WDFY2: variants seen among roughly 807,000 people sequenced by gnomAD.
WDFY2 encodes the protein WD repeat and FYVE domain containing 2.
In WDFY2, 36 loss-of-function variants were observed where a neutral mutation model predicts 56.4. That is an observed-to-expected ratio of 0.64 (90% CI 0.49 to 0.84). The LOEUF is 0.84. Ranked by LOEUF, WDFY2 falls within the 40% of genes least tolerant of loss-of-function variation. The probability of loss-of-function intolerance (pLI) is 0.00; values close to 1 mark genes in which losing one functional copy is unlikely to be tolerated. For synonymous variants in WDFY2, 176 were observed against 183.7 expected, an observed-to-expected ratio of 0.96 and a Z score of 0.34; for missense variants, 444 against 512.2, an observed-to-expected ratio of 0.87 and a Z score of 1.29.
intron 1 of WDFY2, among the ~76,000 whole-genome samples, chr13:51,654,752 A>G (rs940449539): frequency 5.3e-5 from 8 of 152,154 alleles, no homozygotes; most frequent in Non-Finnish European, 1.2e-4. Flanking sequence ...AACCATCCAT[A>G]TGGCACTTTT....
intron 1 of WDFY2, among the ~76,000 whole-genome samples, chr13:51,631,245 G>T (rs1011730783): frequency 6.6e-6 from 1 of 151,796 alleles, no homozygotes; most frequent in Non-Finnish European, 1.5e-5. Flanking sequence ...GTAAAAATCA[G>T]CTGGGTGTGG....
chr13:51,684,664 G>A (rs527360689), intron 3 of WDFY2, among the ~76,000 whole-genome samples: 34 of 152,004 alleles, frequency 2.2e-4, no homozygotes, highest in Middle Eastern at 6.8e-3. Flanking sequence ...TCAGTAAATG[G>A]CATCAATGAG....
intron 1 of WDFY2, among the ~76,000 whole-genome samples, chr13:51,614,532 C>T (rs1272490540): frequency 6.6e-6 from 1 of 152,190 alleles, no homozygotes; most frequent in Non-Finnish European, 1.5e-5. Context: ...CCTTAGTGAT[C>T]TTGTCCCTTT....
intron 1 of WDFY2, among the ~76,000 whole-genome samples, chr13:51,655,136 A>G (rs1373746597): frequency 6.6e-6 from 1 of 152,170 alleles, no homozygotes; most frequent in African/African-American, 2.4e-5. Flanking sequence ...AAGTAGAATT[A>G]TGTCATCTTC....
chr13:51,756,108 G>A (rs1450094996), intron 9 of WDFY2, among the ~76,000 whole-genome samples: 1 of 152,004 alleles, frequency 6.6e-6, no homozygotes, highest in Non-Finnish European at 1.5e-5. Flanking sequence ...GCAGGAGAGT[G>A]GGGTGGTATC....
At chr13:51,601,507 G>A (rs1341025418) in intron 1 of WDFY2, among the ~76,000 whole-genome samples, 2 of 151,624 alleles carry the variant, frequency 1.3e-5, no homozygotes, top group East Asian at 1.9e-4. Flanking sequence ...CTCTGCCTCC[G>A]GGGTTCAAGC....
At chr13:51,706,742 T>G (rs967172750) in intron 4 of WDFY2, among the ~76,000 whole-genome samples, 3 of 152,212 alleles carry the variant, frequency 2.0e-5, no homozygotes, top group Non-Finnish European at 4.4e-5. Flanking sequence ...ATGCAAGCTC[T>G]TTTCAGTTAG....
At chr13:51,591,224 T>G (rs1247311426) in intron 1 of WDFY2, 1 of 152,242 alleles carries the variant, frequency 6.6e-6, no homozygotes, top group Non-Finnish European at 1.5e-5. Flanking sequence ...AAAGCACGCA[T>G]TAGGGAAAAA....
chr13:51,668,939 C>T (rs994786435), intron 2 of WDFY2, among the ~76,000 whole-genome samples: 2 of 152,220 alleles, frequency 1.3e-5, no homozygotes, highest in African/African-American at 2.4e-5. Flanking sequence ...TATTGGTGTA[C>T]GTAACAGAAA....
intron 1 of WDFY2, among the ~76,000 whole-genome samples, chr13:51,615,918 G>A (rs1266896489): frequency 1.3e-5 from 2 of 152,182 alleles, no homozygotes; most frequent in African/African-American, 4.8e-5. Context: ...TTTTTAACCA[G>A]TAATGACTTT....
At chr13:51,689,370 A>G (rs1389925683) in intron 3 of WDFY2, among the ~76,000 whole-genome samples, 1 of 152,136 alleles carries the variant, frequency 6.6e-6, no homozygotes, top group Non-Finnish European at 1.5e-5. Flanking sequence ...TTTGTGCTAT[A>G]TGTGTAAACC....
At chr13:51,683,180 G>A (rs938997015) in intron 3 of WDFY2, among the ~76,000 whole-genome samples, 1 of 152,170 alleles carries the variant, frequency 6.6e-6, no homozygotes, top group Non-Finnish European at 1.5e-5. Flanking sequence ...TTCGTGGATT[G>A]AGAGTATGGA....
intron 1 of WDFY2, chr13:51,588,296 G>C (rs970856233): frequency 6.6e-6 from 1 of 152,234 alleles, no homozygotes; most frequent in Admixed American, 6.5e-5. Context: ...CTTAGCAGGG[G>C]CTCCTTTGTT....
In WDFY2 at chr13:51,696,946, C is replaced by T. The variant is rs181144857; in HGVS notation, c.280-6650C>T. The stretch of plus-strand genomic sequence containing the variant: ...TATGACAGAGAAAGGAAAATATCCT[C>T]AGTCCATGACAATCGTATGCAAATA... On this transcript the variant is annotated intron_variant, in intron 3 of 11. Coordinates refer to ENST00000298125, the MANE Select transcript of WDFY2 (RefSeq NM_052950.4). Among the ~76,000 whole-genome samples the T allele has an allele frequency of 3.4e-3, 517 of 152,258 alleles. 4 individuals carry two copies. Among genetic ancestry groups the T allele is most frequent in the Non-Finnish European group, 3.9e-3 (263 of 68,016 alleles).
At chr13:51,734,504 T>C (rs1199513200) in intron 6 of WDFY2, among the ~76,000 whole-genome samples, 1 of 152,194 alleles carries the variant, frequency 6.6e-6, no homozygotes, top group Non-Finnish European at 1.5e-5. Flanking sequence ...CATTGTATAA[T>C]TATGAAAACT....
In WDFY2 at chr13:51,761,241, T is replaced by TGAA. The variant is rs1286038414; in HGVS notation, c.*1476_*1478dup. Reference sequence around the variant, plus strand: ...AAAAGAGGACTTTAGAAAGTGAACCTGAAGAACTCTTATTTCTAAGGGAAT... The same window carrying TGAA: ...AAAAGAGGACTTTAGAAAGTGAACCTGAAGAAGAACTCTTATTTCTAAGGGAAT... On this transcript the variant is annotated 3_prime_UTR_variant, in exon 12 of 12. Transcript: ENST00000298125. 1 of 152,356 alleles carries TGAA rather than the reference T, an allele frequency of 6.6e-6. No individual in the cohort carries two copies. Among genetic ancestry groups the TGAA allele is most frequent in the Non-Finnish European group, 1.5e-5 (1 of 68,024 alleles). 9.4% of individuals were successfully genotyped at this position (152,356 alleles called of 1,614,324 possible).
intron 4 of WDFY2, among the ~76,000 whole-genome samples, chr13:51,705,555 G>A (rs1404304981): frequency 6.7e-6 from 1 of 149,760 alleles, no homozygotes; most frequent in Non-Finnish European, 1.5e-5. Flanking sequence ...CACTTGAATT[G>A]TTTGTTTTTT....
chr13:51,692,984 A>C (rs9591424), intron 3 of WDFY2, among the ~76,000 whole-genome samples: 10 of 152,066 alleles, frequency 6.6e-5, no homozygotes, highest in African/African-American at 2.4e-4. Flanking sequence ...ATTTGTGTAG[A>C]GGTGTTTGTA....
chr13:51,623,729 C>T (rs1388098686), intron 1 of WDFY2, among the ~76,000 whole-genome samples: 1 of 152,130 alleles, frequency 6.6e-6, no homozygotes, highest in African/African-American at 2.4e-5. Flanking sequence ...GGGAAGCTAC[C>T]TCGTTTCCAA....
Sources: gnomAD v4.1 joint callset for allele counts (sites outside exome capture counted in the v4.1 genomes callset) on GRCh38, gnomAD v4.1.1 for gene constraint, MANE v1.5 for transcripts, NCBI Gene and HGNC (gene_info 2026-07-23, HGNC 2026-07-21) for gene names.